The following SMIM8 variants were observed in gnomAD, a reference collection of about 807,000 sequenced individuals.
SMIM8 encodes the protein small integral membrane protein 8.
In SMIM8, 8 loss-of-function variants were observed where a neutral mutation model predicts 8.1. The observed-to-expected ratio is 0.99, with a 90% CI of 0.58 to 1.78. The LOEUF (loss-of-function observed/expected upper bound fraction) is 1.78, where lower values mean the gene tolerates loss of function less well. SMIM8 is among the 40% of genes most tolerant of loss of function. The probability of loss-of-function intolerance (pLI) is 0.00; values close to 1 mark genes in which losing one functional copy is unlikely to be tolerated. For missense variants in SMIM8, 126 were observed against 119.8 expected, an observed-to-expected ratio of 1.05 and a Z score of -0.24; for synonymous variants, 45 against 39.7, an observed-to-expected ratio of 1.13 and a Z score of -0.50.
intron 1 of SMIM8, among the ~76,000 whole-genome samples, chr6:87,328,381 T>C (rs1776892566): frequency 6.6e-6 from 1 of 152,056 alleles, no homozygotes. Context: ...ATCTTTGTGG[T>C]TTTATCTACT....
intron 1 of SMIM8, among the ~76,000 whole-genome samples, chr6:87,323,266 T>C (rs1211526690): frequency 1.3e-5 from 2 of 151,824 alleles, no homozygotes; most frequent in African/African-American, 4.8e-5. Context: ...TTTTGTTTTG[T>C]TTTGTTTATT....
intron 2 of SMIM8, among the ~76,000 whole-genome samples, chr6:87,334,814 G>A (rs1454463367): frequency 6.6e-6 from 1 of 152,200 alleles, no homozygotes; most frequent in Non-Finnish European, 1.5e-5. Flanking sequence ...ACACATGCCT[G>A]AATAATGAGA....
intron 1 of SMIM8, among the ~76,000 whole-genome samples, chr6:87,323,198 A>G (rs1776714219): frequency 6.6e-6 from 1 of 152,248 alleles, no homozygotes; most frequent in East Asian, 1.9e-4. Flanking sequence ...GGCTGTCGCC[A>G]GCAAAGCCTT....
Position 87,334,786 on chromosome 6 carries a change from C to T in SMIM8, c.-23-2223C>T, listed in dbSNP as rs142087707. Reference sequence around the variant, plus strand: ...TCTCAGTGCTTCAGAAATGTTCCTCCGTGATTACCAAGCCAATACACATGC... The same window carrying T: ...TCTCAGTGCTTCAGAAATGTTCCTCTGTGATTACCAAGCCAATACACATGC... On this transcript the variant is annotated intron_variant, in intron 2 of 3. Transcript: ENST00000392863. 1.1e-4 allele frequency among the ~76,000 whole-genome samples: 16 copies of T among 152,268 alleles called. No homozygotes were observed. In the Middle Eastern group the frequency reaches 0.01, roughly 97 times the overall value.
At position 87,340,270 on chromosome 6, in the gene SMIM8, A is replaced by T. The variant is rs993225098; in HGVS notation, c.290A>T (p.Asp97Val). The part of the protein sequence containing the change: ...SYMRRKTSKW[D>V] ...ATGAGGCGGAAAACATCCAAATGGG[A>T]TTAGTAGTGCTGGTTAGTGCAGATG... Residue 97 changes from aspartate to valine, a missense_variant, in exon 4 of 4, where the codon GAT (aspartate) becomes GTT (valine). Coordinates refer to ENST00000392863, the MANE Select transcript of SMIM8 (RefSeq NM_001042493.3). The T allele has an allele frequency of 2.5e-6, 4 of 1,594,926 alleles. No individual in the cohort carries two copies. In the African/African-American group the frequency reaches 5.4e-5, roughly 22 times the overall value.
intron 1 of SMIM8, among the ~76,000 whole-genome samples, chr6:87,328,274 A>G (rs1038216953): frequency 1.1e-4 from 17 of 151,382 alleles, no homozygotes; most frequent in African/African-American, 3.9e-4. Flanking sequence ...TCTCCGTCCA[A>G]CTTTGTTCCG....
intron 3 of SMIM8, 98 bp downstream of exon 3, chr6:87,337,264 T>C: frequency 7.3e-7 from 1 of 1,370,126 alleles, no homozygotes. Context: ...GGAAATTTTA[T>C]GTTGACAAGT....
At position 87,340,034 on chromosome 6, in the gene SMIM8, C is replaced by G. The variant is rs1777188034; in HGVS notation, c.136-82C>G. The G allele has an allele frequency of 2.7e-6, 3 of 1,111,602 alleles. No individual in the cohort carries two copies. In the South Asian group the frequency reaches 6.1e-5, roughly 23 times the overall value. The allele number at this position is 1,111,602 out of a possible 1,614,324, so 68.9% of individuals were successfully genotyped here. On this transcript the variant is annotated intron_variant, in intron 3 of 3. Transcript: ENST00000392863. ...GTGTTGTAATAAAGATGTGGCATGTCAGGAGGAAAGTGCAACCGATATTTG... is the reference window on the plus strand; with the variant it reads ...GTGTTGTAATAAAGATGTGGCATGTGAGGAGGAAAGTGCAACCGATATTTG...
chr6:87,326,058 C>G (rs1196791832), intron 1 of SMIM8, among the ~76,000 whole-genome samples: 1 of 152,074 alleles, frequency 6.6e-6, no homozygotes, highest in Admixed American at 6.6e-5. Flanking sequence ...TTGCATAGAG[C>G]TGTTTGTAGT....
chr6:87,323,359 G>A (rs1384801181), intron 1 of SMIM8, among the ~76,000 whole-genome samples: 1 of 152,046 alleles, frequency 6.6e-6, no homozygotes, highest in Non-Finnish European at 1.5e-5. Context: ...GTGCCATGCT[G>A]GTGCGATGCA....
chr6:87,340,938 T>TAA lies in SMIM8; in HGVS notation c.*664_*665insAA. ...ATCCCAGAGTAATTGGAGTTTTTCT[T>TAA]TAAAAAAAAAAAAAAAGTATGTTTT... On this transcript the variant is annotated 3_prime_UTR_variant, in exon 4 of 4. Coordinates refer to ENST00000392863, the MANE Select transcript of SMIM8 (RefSeq NM_001042493.3). The TAA allele has an allele frequency of 8.2e-6, 1 of 121,274 alleles. No homozygotes were observed. The highest frequency in any genetic ancestry group is 1.6e-5 in the Non-Finnish European group (1 of 63,052). 7.5% of individuals were successfully genotyped at this position (121,274 alleles called of 1,614,324 possible).
intron 1 of SMIM8, among the ~76,000 whole-genome samples, chr6:87,328,951 G>C (rs1169722974): frequency 6.6e-6 from 1 of 152,186 alleles, no homozygotes; most frequent in Non-Finnish European, 1.5e-5. Context: ...ATATAATCTC[G>C]TGGTGCGCCA....
chr6:87,332,310 C>T (rs1357357525), intron 2 of SMIM8, among the ~76,000 whole-genome samples: 1 of 118,332 alleles, frequency 8.5e-6, no homozygotes, highest in African/African-American at 3.6e-5. Context: ...CTCCTCCTCT[C>T]CTCCCCCCCC....
intron 1 of SMIM8, among the ~76,000 whole-genome samples, chr6:87,325,648 T>G (rs1471583320): frequency 6.6e-6 from 1 of 151,648 alleles, no homozygotes; most frequent in Non-Finnish European, 1.5e-5. Flanking sequence ...CTTTTTGATG[T>G]GCTGCTGGAT....
chr6:87,328,339 A>G (rs1776888907), intron 1 of SMIM8, among the ~76,000 whole-genome samples: 1 of 151,962 alleles, frequency 6.6e-6, no homozygotes, highest in Non-Finnish European at 1.5e-5. Context: ...TGCTTTTTAG[A>G]GTTTCCAGTT....
At position 87,336,648 on chromosome 6, in the gene SMIM8, C is replaced by G. The variant is rs1777118493; in HGVS notation, c.-23-361C>G. ...GTTGAAAGGTGAGGAGGAGTGAAAGCAAGGAACTAAGGAAAGGAACGGATA... is the reference window on the plus strand; with the variant it reads ...GTTGAAAGGTGAGGAGGAGTGAAAGGAAGGAACTAAGGAAAGGAACGGATA... On this transcript the variant is annotated intron_variant, in intron 2 of 3. Transcript: ENST00000392863. 2.0e-5 allele frequency among the ~76,000 whole-genome samples: 3 copies of G among 152,046 alleles called. No homozygotes were observed. In the South Asian group the frequency reaches 6.2e-4, roughly 32 times the overall value.
In SMIM8 at chr6:87,337,056, A is replaced by G. The variant is rs373102675; in HGVS notation, c.25A>G (p.Thr9Ala). The change falls in exon 3 of 4, where the codon ACA becomes GCA. Residue 9 changes from threonine to alanine, a missense_variant. Thr to Ala is a moderately conservative substitution (Grantham distance 58). Transcript: ENST00000392863. ...GATGTCTTCAGCACCTGAGCCTCCA[A>G]CATTCAAAAAGGAACCACCCAAAGA... MSSAPEPP[T>A]FKKEPPKEKE... The G allele has an allele frequency of 6.8e-6, 11 of 1,612,124 alleles. No homozygotes were observed. Among genetic ancestry groups the G allele is most frequent in the South Asian group, 3.3e-5 (3 of 90,598 alleles).
intron 3 of SMIM8, among the ~76,000 whole-genome samples, chr6:87,337,487 A>G (rs530486881): frequency 1.6e-4 from 24 of 152,362 alleles, no homozygotes; most frequent in African/African-American, 5.3e-4. Flanking sequence ...ATCAGGTACT[A>G]TTAGGTAAAT....
intron 3 of SMIM8, among the ~76,000 whole-genome samples, chr6:87,339,405 A>G (rs1016579345): frequency 1.1e-4 from 15 of 140,352 alleles, no homozygotes; most frequent in Non-Finnish European, 2.0e-4. Context: ...AACAACAACA[A>G]AACACAGCGT....
Sources: gnomAD v4.1 joint callset for allele counts (sites outside exome capture counted in the v4.1 genomes callset) on GRCh38, gnomAD v4.1.1 for gene constraint, MANE v1.5 for transcripts, NCBI Gene and HGNC (gene_info 2026-07-23, HGNC 2026-07-21) for gene names.